Variants in SLC2A9 observed in about 807,000 individuals in gnomAD.
SLC2A9 encodes the protein solute carrier family 2 member 9.
In SLC2A9, 39 loss-of-function variants were observed where a neutral mutation model predicts 50.6. That is an observed-to-expected ratio of 0.77 (90% confidence interval 0.60 to 1.01). The LOEUF is 1.01. SLC2A9 is among the 50% of genes least tolerant of loss of function. SLC2A9 has a pLI of 0.00. For synonymous variants in SLC2A9, 324 were observed against 276.9 expected, an observed-to-expected ratio of 1.17 and a Z score of -1.69; for missense variants, 686 against 677.6, an observed-to-expected ratio of 1.01 and a Z score of -0.14.
intron 7 of SLC2A9, among the ~76,000 whole-genome samples, chr4:9,911,790 T>A (rs984734826): frequency 2.6e-5 from 4 of 152,250 alleles, no homozygotes; most frequent in Non-Finnish European, 5.9e-5. Context: ...GCACCTGTTA[T>A]AATTGGCATA....
intron 10 of SLC2A9, among the ~76,000 whole-genome samples, chr4:9,852,320 T>C (rs964074717): frequency 2.0e-5 from 3 of 151,012 alleles, no homozygotes; most frequent in African/African-American, 7.3e-5. Flanking sequence ...TGGCGCAATC[T>C]CGGCTCACTG....
At chr4:9,818,281 C>T (rs1267808141) in intron 3 of SLC2A9, among the ~76,000 whole-genome samples, 4 of 152,170 alleles carry the variant, frequency 2.6e-5, no homozygotes, top group Admixed American at 1.3e-4. Flanking sequence ...TTTTTACTCA[C>T]TCCTCCCCCA....
intron 3 of SLC2A9, among the ~76,000 whole-genome samples, chr4:9,811,256 C>A (rs1237609172): frequency 6.6e-6 from 1 of 152,222 alleles, no homozygotes; most frequent in East Asian, 1.9e-4. Context: ...ATCCTGCATG[C>A]CCCTTTGGGA....
At chr4:9,929,634 G>T (rs1407707845) in intron 6 of SLC2A9, among the ~76,000 whole-genome samples, 1 of 152,214 alleles carries the variant, frequency 6.6e-6, no homozygotes, top group Non-Finnish European at 1.5e-5. Context: ...ATTAGAGTGG[G>T]CAGAGGGAGG....
chr4:9,781,850 G>A (rs1718439138), intron 3 of SLC2A9: 2 of 494,356 alleles, frequency 4.0e-6, no homozygotes, highest in South Asian at 5.2e-5. Flanking sequence ...AGGCGCTTCA[G>A]GAGGCAAGAG....
intron 6 of SLC2A9, among the ~76,000 whole-genome samples, chr4:9,929,360 G>C (rs1745484818): frequency 6.6e-6 from 1 of 152,220 alleles, no homozygotes; most frequent in Non-Finnish European, 1.5e-5. Flanking sequence ...TATGGGCAAA[G>C]GGCATCAGTT....
At chr4:9,868,660 G>A (rs1035183183) in intron 10 of SLC2A9, among the ~76,000 whole-genome samples, 6 of 152,200 alleles carry the variant, frequency 3.9e-5, no homozygotes, top group African/African-American at 1.4e-4. Context: ...CTGACAGCCA[G>A]CTTGAAGCTC....
intron 7 of SLC2A9, among the ~76,000 whole-genome samples, chr4:9,916,311 G>A (rs1003857678): frequency 5.3e-5 from 8 of 152,158 alleles, no homozygotes; most frequent in Non-Finnish European, 1.0e-4. Flanking sequence ...GTCCACCGCC[G>A]GTGAGCACCC....
Position 9,812,629 on chromosome 4 carries a change from C to T in SLC2A9, n.421-13388G>A, listed in dbSNP as rs1203071716. ...ATCTAGATGCAACATGCTCAATTTG[C>T]CAAATGCGTAGGTAGCTGAGAAGTG... On this transcript the variant is annotated intron_variant and non_coding_transcript_variant, in intron 3 of 3. Coordinates refer to the SLC2A9 transcript ENST00000503280. Among the ~76,000 whole-genome samples the T allele has an allele frequency of 5.9e-5, 9 of 152,116 alleles. No individual in the cohort carries two copies. In the East Asian group the frequency reaches 1.7e-3, roughly 29 times the overall value.
intron 4 of SLC2A9, among the ~76,000 whole-genome samples, chr4:9,981,211 T>C (rs1560429944): frequency 6.6e-6 from 1 of 152,080 alleles, no homozygotes; most frequent in Admixed American, 6.5e-5. Flanking sequence ...ATGGTGATGA[T>C]GATGATGGTG....
At chr4:9,822,837 G>A (rs893499491), downstream of SLC2A9, among the ~76,000 whole-genome samples, 2 of 151,778 alleles carry the variant, frequency 1.3e-5, no homozygotes, top group African/African-American at 2.4e-5. Context: ...TTCCCCCAAG[G>A]GCCACCCCTT....
At chr4:9,948,905 T>C (rs372902084) in intron 5 of SLC2A9, among the ~76,000 whole-genome samples, 1 of 152,220 alleles carries the variant, frequency 6.6e-6, no homozygotes, top group African/African-American at 2.4e-5. Context: ...AATCTTCATG[T>C]CCATCCACAC....
At chr4:9,999,563 G>A (rs1444453566) in intron 2 of SLC2A9, among the ~76,000 whole-genome samples, 1 of 152,160 alleles carries the variant, frequency 6.6e-6, no homozygotes, top group Non-Finnish European at 1.5e-5. Flanking sequence ...GGGTGGCCAT[G>A]GAATTGCAAG....
chr4:9,990,288 A>G (rs1445631483), intron 3 of SLC2A9, among the ~76,000 whole-genome samples: 1 of 152,248 alleles, frequency 6.6e-6, no homozygotes, highest in East Asian at 1.9e-4. Context: ...TGTGATAGAA[A>G]AATTCAAGCA....
At chr4:9,796,848 T>C (rs1174083964), downstream of SLC2A9, among the ~76,000 whole-genome samples, 3 of 152,194 alleles carry the variant, frequency 2.0e-5, no homozygotes, top group Non-Finnish European at 2.9e-5. Context: ...CCAGAGGCCA[T>C]GCAGGAATGT....
At chr4:10,011,599 G>A (rs368322097) in intron 2 of SLC2A9, among the ~76,000 whole-genome samples, 1 of 152,180 alleles carries the variant, frequency 6.6e-6, no homozygotes, top group African/African-American at 2.4e-5. Flanking sequence ...GAAAATTCAG[G>A]CTACATTTGA....
At chr4:9,816,833 G>C (rs888540733) in intron 3 of SLC2A9, among the ~76,000 whole-genome samples, 1 of 120,332 alleles carries the variant, frequency 8.3e-6, no homozygotes, top group Admixed American at 8.0e-5. Context: ...AAAAAAAAAC[G>C]ATGACACGCA....
chr4:9,788,927 G>T (rs1719557145), intron 3 of SLC2A9, among the ~76,000 whole-genome samples: 1 of 152,190 alleles, frequency 6.6e-6, no homozygotes, highest in Non-Finnish European at 1.5e-5. Flanking sequence ...ATGGTACAGA[G>T]AAATCAAGAT....
chr4:9,852,268 C>T (rs1352498878), intron 10 of SLC2A9, among the ~76,000 whole-genome samples: 14 of 146,950 alleles, frequency 9.5e-5, no homozygotes, highest in Admixed American at 6.8e-5. Flanking sequence ...TTTTTTGAGA[C>T]GGAGTCTCGC....
Sources: gnomAD v4.1 joint callset for allele counts (sites outside exome capture counted in the v4.1 genomes callset) on GRCh38, gnomAD v4.1.1 for gene constraint, MANE v1.5 for transcripts, NCBI Gene and HGNC (gene_info 2026-07-23, HGNC 2026-07-21) for gene names.